ARFGEF1: variants seen among roughly 807,000 people sequenced by gnomAD.
ARFGEF1 encodes the protein brefeldin A-inhibited guanine nucleotide-exchange protein 1.
ARFGEF1 carries 42 observed loss-of-function variants against 231.0 expected under a neutral mutation model. The ratio of observed to expected loss-of-function variants is 0.18; its 90% CI spans 0.14 to 0.24. ARFGEF1 has a LOEUF of 0.24. Among genes scored for constraint, ARFGEF1 ranks in the 10% least tolerant of loss-of-function variants. The probability of loss-of-function intolerance (pLI) is 1.00; values close to 1 mark genes in which losing one functional copy is unlikely to be tolerated. For synonymous variants in ARFGEF1, 710 were observed against 732.3 expected (o/e 0.97, Z 0.49); for missense variants, 1,345 against 2,192.0 (o/e 0.61, Z 7.72).
At position 67,198,644 on chromosome 8, in the gene ARFGEF1, CA is replaced by C; in HGVS notation, c.*289del. On this transcript the variant is annotated 3_prime_UTR_variant, in exon 39 of 39. Transcript: ENST00000262215. Reference sequence around the variant, plus strand: ...GGGTAAGTTTCACTTCCACACCTGCCAAAAACGTGGGGCTTTTCCTGCCGTG... The same window carrying C: ...GGGTAAGTTTCACTTCCACACCTGCCAAAACGTGGGGCTTTTCCTGCCGTG... 1.8e-6 allele frequency: 2 copies of C among 1,119,694 alleles called. No individual in the cohort carries two copies. The highest frequency in any genetic ancestry group is 2.2e-6 in the Non-Finnish European group (2 of 915,980). The allele number at this position is 1,119,694 out of a possible 1,614,324, so 69.4% of individuals were successfully genotyped here.
chr8:67,320,697 C>T (rs1299266164), intron 1 of ARFGEF1, among the ~76,000 whole-genome samples: 1 of 152,200 alleles, frequency 6.6e-6, no homozygotes, highest in Non-Finnish European at 1.5e-5. Context: ...TGGCTCACGC[C>T]TATAATCCCA....
At chr8:67,206,080 T>C (rs1029050700) in intron 34 of ARFGEF1, among the ~76,000 whole-genome samples, 1 of 152,002 alleles carries the variant, frequency 6.6e-6, no homozygotes, top group Non-Finnish European at 1.5e-5. Context: ...TTACCTCTTA[T>C]TTTCAAAGAC....
At chr8:67,231,856 G>A (rs527816041) in intron 23 of ARFGEF1, among the ~76,000 whole-genome samples, 1 of 152,056 alleles carries the variant, frequency 6.6e-6, no homozygotes, top group South Asian at 2.1e-4. Flanking sequence ...AATGTAAAGC[G>A]TTTTGCAAGT....
intron 15 of ARFGEF1, 39 bp from the exon 16 acceptor site, chr8:67,258,329 CTT>C (rs113171041): frequency 8.4e-3 from 9,109 of 1,083,778 alleles, no homozygotes; most frequent in Middle Eastern, 0.011. Flanking sequence ...TATTTTCTTT[CTT>C]TTTTTTTTTT....
At chr8:67,283,698 GACTC>G (rs1453117579) in intron 7 of ARFGEF1, among the ~76,000 whole-genome samples, 1 of 152,022 alleles carries the variant, frequency 6.6e-6, no homozygotes, top group Non-Finnish European at 1.5e-5. Flanking sequence ...ATGAATAAAT[GACTC>G]ACTAAAAGAT....
intron 29 of ARFGEF1, among the ~76,000 whole-genome samples, chr8:67,221,817 CTTTCTTTTTTTT>C: frequency 6.8e-6 from 1 of 147,566 alleles, no homozygotes; most frequent in Middle Eastern, 3.2e-3. Flanking sequence ...TTTTTTTTTT[CTTTCTTTTTTTT>C]TTGAGATGGA....
Position 67,277,263 on chromosome 8 carries a change from C to G in ARFGEF1, c.1203+19G>C. ...AAGATTAACAGGATTTCTCCCCCTC[C>G]CCACCCCTCCATTTATACCTGAGTA... On this transcript the variant is annotated intron_variant, in intron 8 of 38. Transcript: ENST00000262215. 1 of 1,610,894 alleles carries G rather than the reference C, an allele frequency of 6.2e-7. No individual in the cohort carries two copies.
At chr8:67,327,840 C>T (rs1420468904) in intron 1 of ARFGEF1, among the ~76,000 whole-genome samples, 1 of 152,208 alleles carries the variant, frequency 6.6e-6, no homozygotes, top group Non-Finnish European at 1.5e-5. Flanking sequence ...TCAAGCACAT[C>T]ACTACATAGT....
At chr8:67,224,814 T>C in intron 29 of ARFGEF1, 89 bp downstream of exon 29, 1 of 910,348 alleles carries the variant, frequency 1.1e-6, no homozygotes, top group Non-Finnish European at 1.5e-6. Flanking sequence ...TTTATGGTCT[T>C]TAACTGTGAG....
chr8:67,322,756 T>C (rs1253761026), intron 1 of ARFGEF1, among the ~76,000 whole-genome samples: 1 of 152,212 alleles, frequency 6.6e-6, no homozygotes, highest in African/African-American at 2.4e-5. Flanking sequence ...CCTGCACTTC[T>C]AGGCTAAGAT....
chr8:67,295,085 A>C (rs549795930), intron 5 of ARFGEF1, among the ~76,000 whole-genome samples: 13 of 152,318 alleles, frequency 8.5e-5, no homozygotes, highest in Non-Finnish European at 1.3e-4. Context: ...ACCATAAAAT[A>C]AAATAAATAT....
intron 1 of ARFGEF1, among the ~76,000 whole-genome samples, chr8:67,338,792 T>C (rs1472285064): frequency 6.6e-6 from 1 of 152,238 alleles, no homozygotes; most frequent in Non-Finnish European, 1.5e-5. Flanking sequence ...GAAAACACCT[T>C]TTACTTTAGA....
At chr8:67,174,969 T>C, downstream of ARFGEF1, 1 of 241,596 alleles carries the variant, frequency 4.1e-6, no homozygotes, top group East Asian at 1.0e-4. Flanking sequence ...ACCATCTGCT[T>C]GGATATACCT....
chr8:67,248,431 T>C lies in ARFGEF1; in HGVS notation c.2850+2868A>G, dbSNP rs183989061. Among the ~76,000 whole-genome samples, 41 of 149,476 alleles carry C rather than the reference T, an allele frequency of 2.7e-4. 2 individuals are homozygous for C. The highest frequency in any genetic ancestry group is 1.0e-3 in the African/African-American group (41 of 39,506). ...TAAACAGTGCTGGGAAAACTGGATATCCATATACAAAAGAATGAAACTAGA... is the reference window on the plus strand; with the variant it reads ...TAAACAGTGCTGGGAAAACTGGATACCCATATACAAAAGAATGAAACTAGA... On this transcript the variant is annotated intron_variant, in intron 19 of 38. Transcript: ENST00000262215.
chr8:67,303,571 C>T (rs1248247582), intron 1 of ARFGEF1, among the ~76,000 whole-genome samples: 3 of 151,936 alleles, frequency 2.0e-5, no homozygotes, highest in Non-Finnish European at 4.4e-5. Flanking sequence ...ATTAGCCAGG[C>T]GTGCTGGTGG....
At chr8:67,208,889 C>A (rs1188179039) in intron 34 of ARFGEF1, among the ~76,000 whole-genome samples, 1 of 152,122 alleles carries the variant, frequency 6.6e-6, no homozygotes, top group Non-Finnish European at 1.5e-5. Context: ...CAGTCAAAAC[C>A]ACAATGAGGT....
At chr8:67,244,602 A>G (rs1301003211) in intron 19 of ARFGEF1, among the ~76,000 whole-genome samples, 4 of 149,488 alleles carry the variant, frequency 2.7e-5, no homozygotes, top group South Asian at 2.1e-4. Flanking sequence ...TCCCAGCCCC[A>G]TAAGTCTCTT....
chr8:67,342,583 T>A (rs1015401181), intron 1 of ARFGEF1, among the ~76,000 whole-genome samples: 1 of 152,134 alleles, frequency 6.6e-6, no homozygotes, highest in Non-Finnish European at 1.5e-5. Flanking sequence ...CCCAGTCAGA[T>A]ACAATATTAC....
intron 18 of ARFGEF1, among the ~76,000 whole-genome samples, chr8:67,252,422 T>C (rs1018597635): frequency 6.6e-6 from 1 of 150,828 alleles, no homozygotes; most frequent in African/African-American, 2.4e-5. Flanking sequence ...CACACCACCA[T>C]CTCCTTTCCA....
Sources: gnomAD v4.1 joint callset for allele counts (sites outside exome capture counted in the v4.1 genomes callset) on GRCh38, gnomAD v4.1.1 for gene constraint, MANE v1.5 for transcripts, NCBI Gene and HGNC (gene_info 2026-07-23, HGNC 2026-07-21) for gene names.